The following RTP2 variants were observed in gnomAD, a reference collection of about 807,000 sequenced individuals.
RTP2 encodes receptor transporter protein 2.
Under a neutral mutation model 17.9 loss-of-function variants are expected in RTP2, and 12 were observed. The ratio of observed to expected loss-of-function variants is 0.67; its 90% CI spans 0.43 to 1.09. The LOEUF is 1.09. Among genes scored for constraint, RTP2 ranks in the 50% least tolerant of loss-of-function variants. The pLI is 0.00. For synonymous variants in RTP2, 126 were observed against 117.7 expected, an observed-to-expected ratio of 1.07 and a Z score of -0.46; for missense variants, 327 against 295.7, an observed-to-expected ratio of 1.11 and a Z score of -0.78.
At chr3:187,703,777 C>A (rs1036168422), upstream of RTP2, among the ~76,000 whole-genome samples, 15 of 152,108 alleles carry the variant, frequency 9.9e-5, no homozygotes, top group African/African-American at 3.6e-4. Flanking sequence ...AAATAGTATA[C>A]CCTTGTTCCC....
At chr3:187,699,574 TG>T (rs1717788737) in intron 1 of RTP2, among the ~76,000 whole-genome samples, 1 of 151,986 alleles carries the variant, frequency 6.6e-6, no homozygotes, top group Admixed American at 6.5e-5. Context: ...GACCGGTAGA[TG>T]GGTAGGATCA....
At chr3:187,699,131 C>T in intron 1 of RTP2, 120 bp from the exon 2 acceptor site, 5 of 1,227,370 alleles carry the variant, frequency 4.1e-6, no homozygotes, top group Non-Finnish European at 5.6e-6. Flanking sequence ...GCAGTGTTTA[C>T]TGCCCTGTGG....
At chr3:187,710,417 G>A in the RTP2 span, among the ~76,000 whole-genome samples, 20 of 148,642 alleles carry the variant, frequency 1.3e-4, no homozygotes, top group African/African-American at 4.9e-4. Context: ...TTATATGTAT[G>A]TGTATATCCT....
the RTP2 span, among the ~76,000 whole-genome samples, chr3:187,710,606 T>C: frequency 1.3e-5 from 2 of 150,486 alleles, no homozygotes; most frequent in African/African-American, 5.0e-5. Context: ...ATTACCTAAA[T>C]ATATGGAGAA....
At chr3:187,706,244 A>C (rs1382012715), upstream of RTP2, among the ~76,000 whole-genome samples, 1 of 152,226 alleles carries the variant, frequency 6.6e-6, no homozygotes, top group Non-Finnish European at 1.5e-5. Flanking sequence ...TGTAAAACAA[A>C]TATGTTAAAC....
chr3:187,702,388 G>A (rs568615108), exon 1 of RTP2: 3 of 550,748 alleles, frequency 5.4e-6, no homozygotes, highest in Admixed American at 4.5e-5. Flanking sequence ...CAGAGGCAGC[G>A]CTGGGTAGGC....
the RTP2 span, among the ~76,000 whole-genome samples, chr3:187,708,416 G>T: frequency 3.1e-4 from 47 of 152,332 alleles, 1 homozygote; most frequent in East Asian, 8.3e-3. Flanking sequence ...TGACCTGAAA[G>T]GCAATTAAAT....
chr3:187,714,960 G>A, the RTP2 span, among the ~76,000 whole-genome samples: 7 of 143,362 alleles, frequency 4.9e-5, no homozygotes, highest in East Asian at 1.4e-3. Flanking sequence ...GCCTCTGTAC[G>A]TTAGGAAAAA....
chr3:187,710,014 T>C, the RTP2 span, among the ~76,000 whole-genome samples: 1 of 152,216 alleles, frequency 6.6e-6, no homozygotes, highest in African/African-American at 2.4e-5. Flanking sequence ...AGGGTGTTTT[T>C]GGAAGAGATC....
At chr3:187,698,966 C>A (rs61755870) in exon 2 of RTP2, 6 of 1,600,764 alleles carry the variant, frequency 3.7e-6, no homozygotes, top group Non-Finnish European at 5.1e-6. Context: ...AGAGGATGAC[C>A]ACATGGGCAG....
At chr3:187,698,332 G>C in exon 2 of RTP2, 1 of 606,690 alleles carries the variant, frequency 1.6e-6, no homozygotes, top group South Asian at 2.4e-5. Context: ...AAGAATCATT[G>C]CCTATCTTCT....
chr3:187,698,878 C>T (rs11927120), exon 2 of RTP2: 317,327 of 1,612,512 alleles, frequency 0.2, 32,784 homozygotes, highest in South Asian at 0.3. Context: ...CGCGCCGTGC[C>T]GCACTCATAG....
At chr3:187,714,103 A>T in the RTP2 span, among the ~76,000 whole-genome samples, 1 of 152,202 alleles carries the variant, frequency 6.6e-6, no homozygotes, top group Admixed American at 6.5e-5. Flanking sequence ...TCACTTGCCA[A>T]ATGGGATATC....
At chr3:187,702,155 G>C (rs73043381) in exon 1 of RTP2, 2 of 1,579,744 alleles carry the variant, frequency 1.3e-6, no homozygotes, top group Non-Finnish European at 1.7e-6. Flanking sequence ...GTGGCAGTTC[G>C]AGCTCAGCCC....
At chr3:187,712,237 T>G in the RTP2 span, among the ~76,000 whole-genome samples, 1 of 152,204 alleles carries the variant, frequency 6.6e-6, no homozygotes, top group Non-Finnish European at 1.5e-5. Context: ...TATCGTTAGG[T>G]AAGACCTTAC....
chr3:187,698,458 C>T (rs768748130), exon 2 of RTP2: 1 of 1,543,050 alleles, frequency 6.5e-7, no homozygotes, highest in East Asian at 2.3e-5. Flanking sequence ...CCTCCCCACT[C>T]TCAAGCCCAT....
exon 2 of RTP2, chr3:187,698,509 C>A (rs1292576273): frequency 6.2e-7 from 1 of 1,607,814 alleles, no homozygotes; most frequent in Admixed American, 1.7e-5. Context: ...TAAAAGAAGG[C>A]AGGACTGAGG....
At chr3:187,708,118 T>G in the RTP2 span, among the ~76,000 whole-genome samples, 1 of 152,242 alleles carries the variant, frequency 6.6e-6, no homozygotes, top group Non-Finnish European at 1.5e-5. Flanking sequence ...CTAATGAAGG[T>G]ACATGTGAAC....
rs763272395 is a variant in RTP2 at position 187,699,014 on chromosome 3, G to A, written c.165-3C>T. On this transcript the variant is annotated splice_region_variant and splice_polypyrimidine_tract_variant and intron_variant, in intron 1 of 1. Transcript: ENST00000358241. ...GCCAGCACCAGGAGCAGTGGAACCT[G>A]CCGGGAGGAGAAGGAGGGGTGGAGA... The A allele has an allele frequency of 2.5e-6, 4 of 1,573,394 alleles. 1 individual carries two copies. The highest frequency in any genetic ancestry group is 2.7e-5 in the African/African-American group (2 of 74,258).
Sources: gnomAD v4.1 joint callset for allele counts (sites outside exome capture counted in the v4.1 genomes callset) on GRCh38, gnomAD v4.1.1 for gene constraint, MANE v1.5 for transcripts, NCBI Gene and HGNC (gene_info 2026-07-23, HGNC 2026-07-21) for gene names.